USP3: variants seen among roughly 807,000 people sequenced by gnomAD.
The protein encoded by USP3 is ubiquitin carboxyl-terminal hydrolase 3.
A neutral mutation model predicts 72.3 loss-of-function variants in USP3; 20 were observed. The observed-to-expected ratio is 0.28, with a 90% CI of 0.19 to 0.40. The LOEUF is 0.40. USP3 is among the 10% of genes least tolerant of loss of function. The pLI is 1.00. For missense variants in USP3, 479 were observed against 633.9 expected (o/e 0.76, Z 2.62); for synonymous variants, 222 against 225.3 (o/e 0.99, Z 0.13).
chr15:63,553,723 G>A lies in USP3; in HGVS notation c.293G>A (p.Cys98Tyr). The A allele has an allele frequency of 6.2e-7, 1 of 1,612,522 alleles. No homozygotes were observed. Among genetic ancestry groups the A allele is most frequent in the Non-Finnish European group, 8.5e-7 (1 of 1,179,244 alleles). The change falls in exon 4 of 15, where the codon TGT becomes TAT. Residue 98 changes from cysteine (C) to tyrosine (Y), a missense_variant. Coordinates refer to ENST00000380324, the MANE Select transcript of USP3 (RefSeq NM_006537.4). The surrounding 1 kb of genome is among the most constrained non-coding windows in gnomAD (Gnocchi z 4.2). ...CSSYSTYCYR[C>Y]DDFVVNDTKL... is the part of the protein sequence containing the mutation. ...TAATATTTTCCTTGCAGTTATCGCTGTGATGATTTTGTGGTTAATGACACC... is the reference window on the plus strand; with the variant it reads ...TAATATTTTCCTTGCAGTTATCGCTATGATGATTTTGTGGTTAATGACACC...
At position 63,504,756 on chromosome 15, in the gene USP3, T is replaced by C; in HGVS notation, c.17T>C (p.Leu6Pro). ...CTCGTGGCCATGGAGTGTCCACACCTGAGCTCCAGCGTCTGCATTGCTCCG... is the reference window on the plus strand; with the variant it reads ...CTCGTGGCCATGGAGTGTCCACACCCGAGCTCCAGCGTCTGCATTGCTCCG... Reference protein sequence around the residue: MECPHLSSSVCIAPDS... With the variant: MECPHPSSSVCIAPDS... Residue 6 changes from leucine to proline, a missense_variant, in exon 1 of 15, where the codon CTG (leucine) becomes CCG (proline). By Grantham distance (98) the Leu-to-Pro change is moderately conservative. Transcript: ENST00000380324. The C allele has an allele frequency of 6.2e-7, 1 of 1,610,370 alleles. No homozygotes were observed. Among genetic ancestry groups the C allele is most frequent in the Non-Finnish European group, 8.5e-7 (1 of 1,178,150 alleles).
intron 11 of USP3, among the ~76,000 whole-genome samples, chr15:63,585,012 T>TC (rs1478741496): frequency 6.6e-6 from 1 of 152,218 alleles, no homozygotes; most frequent in Non-Finnish European, 1.5e-5. Context: ...GATTGTCCTT[T>TC]CCCCATTGAG....
chr15:63,590,627 G>A lies in USP3; in HGVS notation c.1398-34G>A, dbSNP rs1055187444. ...GTACAGGTCTTTTTGTGATTTCTGA[G>A]GTTCTTTTTTCCTTTGGTCTTTTGC... On this transcript the variant is annotated intron_variant, in intron 14 of 14. Coordinates refer to ENST00000380324, the MANE Select transcript of USP3 (RefSeq NM_006537.4). 5.4e-6 allele frequency: 8 copies of A among 1,490,294 alleles called. No homozygotes were observed. The East Asian group carries it at 2.0e-4, about 36-fold the overall frequency. 92.3% of individuals were successfully genotyped at this position (1,490,294 alleles called of 1,614,324 possible).
At chr15:63,559,614 A>G (rs561919425) in intron 6 of USP3, among the ~76,000 whole-genome samples, 1 of 152,298 alleles carries the variant, frequency 6.6e-6, no homozygotes, top group South Asian at 2.1e-4. Context: ...TTGAAAAGAG[A>G]TTTTGTTTTC....
chr15:63,520,401 C>A (rs75508702), intron 1 of USP3, among the ~76,000 whole-genome samples: 1,710 of 152,136 alleles, frequency 0.011, 30 homozygotes, highest in African/African-American at 0.039. Context: ...CCTTATAACT[C>A]AAGTTCAAAT....
Position 63,588,792 on chromosome 15 carries a change from G to C in USP3, c.1306G>C (p.Asp436His). Residue 436 changes from aspartate (D) to histidine (H), a missense_variant, in exon 13 of 15, where the codon GAC (aspartate) becomes CAC (histidine). Physicochemically the swap from Asp to His is moderately conservative, Grantham distance 81 (BLOSUM62 -1). Coordinates refer to ENST00000380324, the MANE Select transcript of USP3 (RefSeq NM_006537.4). The surrounding 1 kb of genome is among the most constrained non-coding windows in gnomAD (Gnocchi z 4.6). ...CGTAGAATTTCCACTGAGAGGCCTA[G>C]ACATGAAATGCTACTTACTAGAGGT... is the stretch of plus-strand genomic sequence containing the variant. ...TYVEFPLRGL[D>H]MKCYLLEPEN... 1 of 1,614,098 alleles carries C rather than the reference G, an allele frequency of 6.2e-7. No homozygotes were observed. The highest frequency in any genetic ancestry group is 8.5e-7 in the Non-Finnish European group (1 of 1,179,954).
chr15:63,584,097 T>G (rs945781747), intron 11 of USP3, among the ~76,000 whole-genome samples: 79 of 141,852 alleles, frequency 5.6e-4, no homozygotes, highest in East Asian at 1.8e-3. Flanking sequence ...GTTTTGTTTT[T>G]TTTTTTTTTT....
chr15:63,547,604 C>T (rs1033111625), intron 3 of USP3, among the ~76,000 whole-genome samples: 3 of 151,824 alleles, frequency 2.0e-5, no homozygotes, highest in East Asian at 1.9e-4. Flanking sequence ...GTCGCTCATG[C>T]GTGTAGTCAC....
intron 11 of USP3, among the ~76,000 whole-genome samples, chr15:63,579,921 G>A (rs893750533): frequency 6.6e-6 from 1 of 152,176 alleles, no homozygotes; most frequent in Non-Finnish European, 1.5e-5. Context: ...GAGGACACTC[G>A]TGTTGTTGTT....
chr15:63,513,554 A>T (rs2065816456), intron 1 of USP3, among the ~76,000 whole-genome samples: 1 of 151,844 alleles, frequency 6.6e-6, no homozygotes, highest in African/African-American at 2.4e-5. Flanking sequence ...TAATTTTTAA[A>T]TTTTTTTGTA....
chr15:63,566,413 A>G (rs2066692388), intron 8 of USP3, among the ~76,000 whole-genome samples: 1 of 151,872 alleles, frequency 6.6e-6, no homozygotes, highest in Admixed American at 6.6e-5. Flanking sequence ...CCTGGGTTCA[A>G]GTGATTCTCC....
chr15:63,548,851 G>A (rs1226284272), intron 3 of USP3, among the ~76,000 whole-genome samples: 3 of 151,920 alleles, frequency 2.0e-5, no homozygotes, highest in Non-Finnish European at 2.9e-5. Context: ...ATGCCACCAC[G>A]CCCGACTATA....
intron 2 of USP3, among the ~76,000 whole-genome samples, chr15:63,534,913 T>TTTA (rs2066132790): frequency 2.0e-5 from 1 of 50,070 alleles, no homozygotes. Flanking sequence ...TTGCCTTTTA[T>TTTA]TTGTTTATTT....
intron 11 of USP3, among the ~76,000 whole-genome samples, chr15:63,581,809 C>T (rs1308033545): frequency 6.6e-6 from 1 of 152,026 alleles, no homozygotes; most frequent in Admixed American, 6.6e-5. Flanking sequence ...ATCCTCCCAC[C>T]TCAGTCTCCT....
intron 8 of USP3, among the ~76,000 whole-genome samples, chr15:63,564,925 G>A (rs940516947): frequency 6.6e-6 from 1 of 152,208 alleles, no homozygotes; most frequent in African/African-American, 2.4e-5. Flanking sequence ...CAATGCCCAG[G>A]TGTGAGGCAG....
At chr15:63,530,589 A>G (rs569330056) in intron 1 of USP3, 6 of 433,710 alleles carry the variant, frequency 1.4e-5, no homozygotes, top group Middle Eastern at 6.7e-4. Context: ...TTGGGACTAC[A>G]GGCACGTACC....
chr15:63,534,167 G>A (rs777646160), intron 2 of USP3, among the ~76,000 whole-genome samples: 5 of 152,120 alleles, frequency 3.3e-5, no homozygotes, highest in Non-Finnish European at 4.4e-5. Flanking sequence ...ACATAGTTTT[G>A]GAGAAATGTG....
At position 63,521,463 on chromosome 15, in the gene USP3, C is replaced by G. The variant is rs144000229; in HGVS notation, c.92-11184C>G. Among the ~76,000 whole-genome samples, 179 of 152,322 alleles carry G rather than the reference C, an allele frequency of 1.2e-3. 2 individuals carry two copies. The East Asian group carries it at 0.022, about 19-fold the overall frequency. ...ACTTCAAGCTATTTGTCTGCCTACTCCACACTTCCACTGTGGTCTTAGAAA... is the reference window on the plus strand; with the variant it reads ...ACTTCAAGCTATTTGTCTGCCTACTGCACACTTCCACTGTGGTCTTAGAAA... On this transcript the variant is annotated intron_variant, in intron 1 of 14. Coordinates refer to ENST00000380324, the MANE Select transcript of USP3 (RefSeq NM_006537.4).
intron 11 of USP3, among the ~76,000 whole-genome samples, chr15:63,576,027 C>T (rs980011539): frequency 1.3e-5 from 2 of 149,678 alleles, no homozygotes; most frequent in East Asian, 1.9e-4. Context: ...TGCTCTGTCG[C>T]CCAGGCTGGA....
Sources: gnomAD v4.1 joint callset for allele counts (sites outside exome capture counted in the v4.1 genomes callset) on GRCh38, gnomAD v4.1.1 for gene constraint, Gnocchi (gnomAD v3.1) non-coding constraint, MANE v1.5 for transcripts, NCBI Gene and HGNC (gene_info 2026-07-23, HGNC 2026-07-21) for gene names.